The following MTHFD2L variants were observed in gnomAD, a reference collection of about 807,000 sequenced individuals.
The protein encoded by MTHFD2L is bifunctional methylenetetrahydrofolate dehydrogenase/cyclohydrolase 2, mitochondrial.
Under a neutral mutation model 34.9 loss-of-function variants are expected in MTHFD2L, and 29 were observed. The ratio of observed to expected loss-of-function variants is 0.83; its 90% confidence interval spans 0.62 to 1.13. The LOEUF (loss-of-function observed/expected upper bound fraction) is 1.13, where lower values mean the gene tolerates loss of function less well. Ranked by LOEUF, MTHFD2L falls within the 50% of genes most tolerant of loss-of-function variation. The pLI, the probability that MTHFD2L is intolerant of heterozygous loss-of-function variation, is 0.00. For missense variants in MTHFD2L, 481 were observed against 446.5 expected, an observed-to-expected ratio of 1.08 and a Z score of -0.70; for synonymous variants, 167 against 155.7, an observed-to-expected ratio of 1.07 and a Z score of -0.54.
In MTHFD2L at chr4:74,301,864, G is replaced by C; in HGVS notation, c.*55G>C. 3 of 1,108,422 alleles carry C rather than the reference G, an allele frequency of 2.7e-6. No individual in the cohort carries two copies. The highest frequency in any genetic ancestry group is 4.0e-6 in the Non-Finnish European group (3 of 758,360). The allele number at this position is 1,108,422 out of a possible 1,614,324, so 68.7% of individuals were successfully genotyped here. On this transcript the variant is annotated 3_prime_UTR_variant, in exon 8 of 8. Coordinates refer to ENST00000325278, the MANE Select transcript of MTHFD2L (RefSeq NM_001144978.3). The stretch of plus-strand genomic sequence containing the variant: ...TCATGCTATTTGTTTATTTGACAAA[G>C]GGTAAAACCTTTATATTTTACTACA...
rs760630523 is a variant in MTHFD2L, at chr4:74,158,135, G to A, written c.-4G>A. 2.0e-6 allele frequency: 3 copies of A among 1,530,674 alleles called. No individual in the cohort carries two copies. Among genetic ancestry groups the A allele is most frequent in the South Asian group, 2.4e-5 (2 of 82,484 alleles). 94.8% of individuals were successfully genotyped at this position (1,530,674 alleles called of 1,614,324 possible). ...CCCAGTCCGGAAGCCGGGGATCCGC[G>A]GCCATGACGGTGCCGGTCCGCGGCT... On this transcript the variant is annotated 5_prime_UTR_variant, in exon 1 of 8. Transcript: ENST00000325278.
At chr4:74,247,649 G>A (rs1476970810) in intron 6 of MTHFD2L, among the ~76,000 whole-genome samples, 4 of 152,090 alleles carry the variant, frequency 2.6e-5, no homozygotes, top group African/African-American at 7.2e-5. Context: ...TTTGAGATAC[G>A]TCCCATCAAT....
rs374414568 is a variant in MTHFD2L, at chr4:74,167,359, G to A, written c.144-7147G>A. Among the ~76,000 whole-genome samples the A allele has an allele frequency of 4.6e-5, 7 of 152,204 alleles. No individual in the cohort carries two copies. In the East Asian group the frequency reaches 5.8e-4, roughly 13 times the overall value. The stretch of plus-strand genomic sequence containing the variant: ...CGCCTACTTCTTCAAGCGATAGACA[G>A]CAATGAAAGGCCACAGGCTTGTGAA... On this transcript the variant is annotated intron_variant, in intron 1 of 7. Transcript: ENST00000325278.
chr4:74,250,885 A>G (rs1743207046), intron 6 of MTHFD2L, among the ~76,000 whole-genome samples: 1 of 152,212 alleles, frequency 6.6e-6, no homozygotes. Context: ...CATTTTAGAT[A>G]TGCTGAAGCC....
At chr4:74,235,973 A>G (rs778806612) in intron 6 of MTHFD2L, among the ~76,000 whole-genome samples, 3 of 152,188 alleles carry the variant, frequency 2.0e-5, no homozygotes, top group Non-Finnish European at 4.4e-5. Flanking sequence ...ACTTTACTTC[A>G]TAAATGTTTA....
chr4:74,176,800 T>G (rs1295303892), intron 3 of MTHFD2L, among the ~76,000 whole-genome samples: 1 of 152,026 alleles, frequency 6.6e-6, no homozygotes, highest in Non-Finnish European at 1.5e-5. Flanking sequence ...ATAGTATAGG[T>G]TACAGTAGCT....
At chr4:74,155,365 G>A (rs1724177171), upstream of MTHFD2L, among the ~76,000 whole-genome samples, 1 of 152,050 alleles carries the variant, frequency 6.6e-6, no homozygotes, top group South Asian at 2.1e-4. Flanking sequence ...CTTAGCATGA[G>A]TACAGTGTTA....
chr4:74,132,252 G>A (rs1181478819), intron 1 of MTHFD2L, among the ~76,000 whole-genome samples: 4 of 151,996 alleles, frequency 2.6e-5, no homozygotes, highest in Non-Finnish European at 4.4e-5. Flanking sequence ...TATACCCAAA[G>A]GATTATAAAT....
chr4:74,219,222 T>G (rs1175917587), intron 5 of MTHFD2L, among the ~76,000 whole-genome samples: 3 of 152,128 alleles, frequency 2.0e-5, no homozygotes, highest in Admixed American at 2.0e-4. Context: ...TGACAGATAC[T>G]GAGGGACAAC....
At chr4:74,128,238 T>C (rs1451168146) in intron 1 of MTHFD2L, among the ~76,000 whole-genome samples, 1 of 152,154 alleles carries the variant, frequency 6.6e-6, no homozygotes, top group East Asian at 1.9e-4. Flanking sequence ...AGAAGCTTTT[T>C]AGCTTTATGT....
At chr4:74,164,430 T>A (rs1352082019) in intron 1 of MTHFD2L, among the ~76,000 whole-genome samples, 1 of 152,216 alleles carries the variant, frequency 6.6e-6, no homozygotes, top group Non-Finnish European at 1.5e-5. Flanking sequence ...TAAGCGTAGA[T>A]AAGGTGGTTA....
intron 3 of MTHFD2L, among the ~76,000 whole-genome samples, chr4:74,184,340 C>T (rs770958133): frequency 2.0e-4 from 30 of 152,034 alleles, no homozygotes; most frequent in Non-Finnish European, 4.3e-4. Flanking sequence ...GAAATATATG[C>T]CATTCTAACA....
At chr4:74,263,517 T>C (rs897906751) in intron 6 of MTHFD2L, among the ~76,000 whole-genome samples, 17 of 152,086 alleles carry the variant, frequency 1.1e-4, no homozygotes, top group Non-Finnish European at 1.9e-4. Flanking sequence ...CAATGGTTAG[T>C]AGTTCTCCTT....
chr4:74,184,085 C>G (rs1371522579), intron 3 of MTHFD2L, among the ~76,000 whole-genome samples: 1 of 151,958 alleles, frequency 6.6e-6, no homozygotes, highest in Non-Finnish European at 1.5e-5. Flanking sequence ...AGAGTTATAG[C>G]TAATAAGCCA....
intron 3 of MTHFD2L, among the ~76,000 whole-genome samples, chr4:74,196,490 G>A (rs997023493): frequency 1.1e-4 from 17 of 152,166 alleles, no homozygotes; most frequent in Admixed American, 2.0e-4. Context: ...ATACGGATGA[G>A]CTTGCACTTA....
rs79460102 is a variant in MTHFD2L, at chr4:74,244,803, A to G, written c.805+19409A>G. On this transcript the variant is annotated intron_variant, in intron 6 of 7. Transcript: ENST00000325278. ...CTTGTCAAGTTTTGGTATAGAATCA[A>G]AGAAAGATATCCACAATTATCATAA... 3.4e-3 allele frequency among the ~76,000 whole-genome samples: 524 copies of G among 152,310 alleles called. 8 individuals are homozygous for G. The highest frequency in any genetic ancestry group is 0.012 in the African/African-American group (493 of 41,578).
At chr4:74,151,787 T>C (rs1723957529) in intron 1 of MTHFD2L, among the ~76,000 whole-genome samples, 1 of 152,230 alleles carries the variant, frequency 6.6e-6, no homozygotes, top group South Asian at 2.1e-4. Context: ...TCTTGGTCTT[T>C]CTATTAATTC....
At chr4:74,138,511 G>C (rs940937504) in intron 1 of MTHFD2L, among the ~76,000 whole-genome samples, 8 of 152,128 alleles carry the variant, frequency 5.3e-5, no homozygotes, top group African/African-American at 1.9e-4. Flanking sequence ...GGAACCCAGC[G>C]ACTAGTGTTA....
chr4:74,232,089 G>C (rs995602064), intron 6 of MTHFD2L, among the ~76,000 whole-genome samples: 1 of 152,150 alleles, frequency 6.6e-6, no homozygotes, highest in African/African-American at 2.4e-5. Context: ...TGATTATTAA[G>C]CTACAACTTA....
Sources: allele counts gnomAD v4.1 joint callset (sites outside exome capture counted in the v4.1 genomes callset), GRCh38; gene constraint gnomAD v4.1.1; transcripts MANE v1.5; gene names NCBI Gene and HGNC (gene_info 2026-07-23, HGNC 2026-07-21).